KIF6: variants seen among roughly 807,000 people sequenced by gnomAD.
KIF6 encodes kinesin-like protein KIF6.
KIF6 carries 106 observed loss-of-function variants against 112.7 expected under a neutral mutation model. That is an observed-to-expected ratio of 0.94 (90% CI 0.80 to 1.11). The LOEUF (loss-of-function observed/expected upper bound fraction) is 1.11, where lower values mean the gene tolerates loss of function less well. KIF6 is among the 50% of genes least tolerant of loss of function. The pLI, the probability that KIF6 is intolerant of heterozygous loss-of-function variation, is 0.00. For synonymous variants in KIF6, 339 were observed against 339.9 expected (o/e 1.00, Z 0.03); for missense variants, 929 against 964.0 (o/e 0.96, Z 0.48).
At chr6:39,551,891 T>G (rs1359940144) in intron 10 of KIF6, among the ~76,000 whole-genome samples, 1 of 152,232 alleles carries the variant, frequency 6.6e-6, no homozygotes, top group East Asian at 1.9e-4. Flanking sequence ...CGAAATCAGA[T>G]AATGCAAGGA....
chr6:39,356,046 G>A (rs928668944), intron 19 of KIF6, among the ~76,000 whole-genome samples: 2 of 141,828 alleles, frequency 1.4e-5, no homozygotes, highest in African/African-American at 5.3e-5. Flanking sequence ...TCTCGGTGGT[G>A]TGTCTCCCTA....
intron 13 of KIF6, among the ~76,000 whole-genome samples, chr6:39,462,946 C>G (rs1211380895): frequency 6.6e-6 from 1 of 152,068 alleles, no homozygotes; most frequent in African/African-American, 2.4e-5. Flanking sequence ...GAAAATTCAG[C>G]AAACTAAAGC....
At chr6:39,344,487 T>A (rs1562110476) in intron 21 of KIF6, among the ~76,000 whole-genome samples, 1 of 152,190 alleles carries the variant, frequency 6.6e-6, no homozygotes, top group Admixed American at 6.5e-5. Flanking sequence ...GGGCTCCAGC[T>A]GCCCCCTTTT....
chr6:39,493,752 C>T (rs898762346), intron 13 of KIF6, among the ~76,000 whole-genome samples: 13 of 152,192 alleles, frequency 8.5e-5, no homozygotes, highest in Admixed American at 2.0e-4. Flanking sequence ...AAATTGTACA[C>T]GATTTCATTT....
chr6:39,702,022 C>A (rs1003825444), intron 3 of KIF6, among the ~76,000 whole-genome samples: 5 of 152,150 alleles, frequency 3.3e-5, no homozygotes, highest in East Asian at 1.9e-4. Context: ...TAAAAACCAA[C>A]AAGAAGGAAG....
intron 13 of KIF6, among the ~76,000 whole-genome samples, chr6:39,517,188 T>C (rs1021609367): frequency 1.3e-5 from 2 of 152,132 alleles, no homozygotes; most frequent in Non-Finnish European, 2.9e-5. Flanking sequence ...GCTTAACCTT[T>C]TTAAGGTTAT....
intron 3 of KIF6, among the ~76,000 whole-genome samples, chr6:39,684,007 G>A (rs924097008): frequency 6.6e-6 from 1 of 152,186 alleles, no homozygotes; most frequent in African/African-American, 2.4e-5. Context: ...CTCATGTAAT[G>A]AAAGAATGTT....
At chr6:39,612,343 A>G (rs1400020120) in intron 6 of KIF6, among the ~76,000 whole-genome samples, 3 of 152,186 alleles carry the variant, frequency 2.0e-5, no homozygotes, top group African/African-American at 7.2e-5. Context: ...AATGCCAGTG[A>G]AAACAGTAAG....
intron 13 of KIF6, among the ~76,000 whole-genome samples, chr6:39,493,693 T>C (rs1775612906): frequency 6.6e-6 from 1 of 152,234 alleles, no homozygotes; most frequent in Non-Finnish European, 1.5e-5. Flanking sequence ...ACTAGGTAAA[T>C]TGGCTATTTT....
chr6:39,414,676 G>A (rs1769768338), intron 15 of KIF6, among the ~76,000 whole-genome samples: 1 of 152,214 alleles, frequency 6.6e-6, no homozygotes, highest in East Asian at 1.9e-4. Context: ...CTGAGCTAGG[G>A]TCTAGTTTGA....
chr6:39,413,525 T>C (rs1379702749), intron 15 of KIF6, among the ~76,000 whole-genome samples: 1 of 152,118 alleles, frequency 6.6e-6, no homozygotes, highest in Non-Finnish European at 1.5e-5. Flanking sequence ...GGTTCAGAGA[T>C]GGGTACCTGA....
chr6:39,535,371 T>A (rs1452623247), intron 13 of KIF6, among the ~76,000 whole-genome samples: 2 of 151,886 alleles, frequency 1.3e-5, no homozygotes, highest in Admixed American at 1.3e-4. Context: ...GAGGAAGATC[T>A]ACCAAGCAAA....
chr6:39,452,084 G>A (rs892734755), intron 13 of KIF6, among the ~76,000 whole-genome samples: 1 of 152,212 alleles, frequency 6.6e-6, no homozygotes, highest in Admixed American at 6.5e-5. Context: ...TCATAGGGCT[G>A]TTTTGGGCAA....
At chr6:39,337,172 C>CTTCTTTCTTTCTTTCCTTCTTTCT (rs1763015253) in intron 22 of KIF6, among the ~76,000 whole-genome samples, 21 of 59,514 alleles carry the variant, frequency 3.5e-4, no homozygotes, top group African/African-American at 9.1e-4. Context: ...TCTTTCCTTC[C>CTTCTTTCTTTCTTTCCTTCTTTCT]TTCTTTCTTT....
intron 19 of KIF6, chr6:39,353,972 G>T: frequency 4.2e-6 from 2 of 473,780 alleles, no homozygotes; most frequent in Admixed American, 2.5e-5. Context: ...AGGGCACACT[G>T]ACATTGCATG....
intron 13 of KIF6, among the ~76,000 whole-genome samples, chr6:39,537,785 C>T (rs1778533615): frequency 6.6e-6 from 1 of 152,190 alleles, no homozygotes; most frequent in Non-Finnish European, 1.5e-5. Context: ...AAGAACAAAG[C>T]TGGAGGCATC....
chr6:39,525,037 T>C (rs1029412457), intron 13 of KIF6, among the ~76,000 whole-genome samples: 2 of 152,240 alleles, frequency 1.3e-5, no homozygotes, highest in African/African-American at 4.8e-5. Flanking sequence ...CCCAGAACCA[T>C]AGTTAACTTT....
chr6:39,523,551 AC>A (rs1353971860), intron 13 of KIF6, among the ~76,000 whole-genome samples: 1 of 148,462 alleles, frequency 6.7e-6, no homozygotes, highest in Non-Finnish European at 1.5e-5. Flanking sequence ...AACATCACAG[AC>A]CCTCTGTGTG....
chr6:39,508,168 T>A (rs1439723507), intron 13 of KIF6, among the ~76,000 whole-genome samples: 1 of 151,918 alleles, frequency 6.6e-6, no homozygotes, highest in Non-Finnish European at 1.5e-5. Flanking sequence ...TAGCAATGCA[T>A]GGTCCCAGGT....
Sources: allele counts gnomAD v4.1 joint callset (sites outside exome capture counted in the v4.1 genomes callset), GRCh38; gene constraint gnomAD v4.1.1; transcripts MANE v1.5; gene names NCBI Gene and HGNC (gene_info 2026-07-23, HGNC 2026-07-21).